The following IQSEC1 variants were observed in gnomAD, a reference collection of about 807,000 sequenced individuals.
IQSEC1 encodes IQ motif and SEC7 domain-containing protein 1.
In IQSEC1, 31 loss-of-function variants were observed where a neutral mutation model predicts 91.0. The observed-to-expected ratio is 0.34, with a 90% confidence interval of 0.26 to 0.46. The LOEUF is 0.46. Among genes scored for constraint, IQSEC1 ranks in the 20% least tolerant of loss-of-function variants. The pLI, the probability that IQSEC1 is intolerant of heterozygous loss-of-function variation, is 1.00. For synonymous variants in IQSEC1, 699 were observed against 662.6 expected (o/e 1.05, Z -0.84); for missense variants, 1,388 against 1,575.6 (o/e 0.88, Z 2.02).
intron 2 of IQSEC1, among the ~76,000 whole-genome samples, chr3:13,130,855 T>A (rs1435894463): frequency 6.6e-6 from 1 of 150,724 alleles, no homozygotes; most frequent in Non-Finnish European, 1.5e-5. Context: ...TGCTGGAGGC[T>A]GAGGTGGGAG....
At chr3:12,949,779 G>A (rs1490841220) in intron 1 of IQSEC1, among the ~76,000 whole-genome samples, 4 of 152,296 alleles carry the variant, frequency 2.6e-5, no homozygotes, top group East Asian at 3.9e-4. Flanking sequence ...GCGGGTGGGG[G>A]CACATCCTCT....
intron 2 of IQSEC1, among the ~76,000 whole-genome samples, chr3:12,938,639 G>A (rs911122814): frequency 1.3e-5 from 2 of 152,096 alleles, no homozygotes; most frequent in Admixed American, 6.5e-5. Context: ...AAGCCCCTGG[G>A]GCCCATAAGA....
chr3:12,985,075 C>T (rs1014007327), intron 1 of IQSEC1, among the ~76,000 whole-genome samples: 6 of 152,226 alleles, frequency 3.9e-5, no homozygotes, highest in Admixed American at 2.6e-4. Flanking sequence ...CCGCCCACCT[C>T]GGCCTCCCAA....
At chr3:13,069,633 G>A (rs1449396696) in intron 1 of IQSEC1, among the ~76,000 whole-genome samples, 2 of 152,240 alleles carry the variant, frequency 1.3e-5, no homozygotes, top group Non-Finnish European at 2.9e-5. Flanking sequence ...GAACAGGCAT[G>A]GGTAGGCGAG....
Position 13,238,034 on chromosome 3 carries a change from C to T in IQSEC1, c.272+44677G>A, listed in dbSNP as rs76946641. ...CCAGGGTACACCTGGAGGCACTGAC[C>T]GCTGAGCATCCACGTGCAGATGGGA... On this transcript the variant is annotated intron_variant, in intron 1 of 15. Coordinates refer to the IQSEC1 transcript ENST00000648114. 0.011 allele frequency among the ~76,000 whole-genome samples: 1,716 copies of T among 152,292 alleles called. 119 individuals are homozygous for T. The East Asian group carries it at 0.19, about 17-fold the overall frequency.
intron 1 of IQSEC1, among the ~76,000 whole-genome samples, chr3:13,270,150 G>C (rs961165150): frequency 3.3e-5 from 5 of 152,222 alleles, no homozygotes; most frequent in African/African-American, 1.2e-4. Context: ...GAATACCACT[G>C]AGTATTCCAT....
chr3:13,020,281 C>T (rs1048220853), intron 1 of IQSEC1, among the ~76,000 whole-genome samples: 1 of 152,152 alleles, frequency 6.6e-6, no homozygotes, highest in Admixed American at 6.5e-5. Flanking sequence ...GGCAGGCAGC[C>T]GCTGACTCAC....
rs1696929846 is a variant in IQSEC1, at chr3:12,924,447, AAGAG to A, written c.1730+130_1730+133del. Reference sequence around the variant, plus strand: ...TGCATGTGTGTGTCTAGGACTTAGGAAGAGAGAAAGGGGGGCCCACCACATGTCC... The same window carrying A: ...TGCATGTGTGTGTCTAGGACTTAGGAAGAAAGGGGGGCCCACCACATGTCC... On this transcript the variant is annotated intron_variant, in intron 4 of 13. Transcript: ENST00000613206. The surrounding 1 kb of genome is among the most constrained non-coding windows in gnomAD (Gnocchi z 6.3). 2 of 879,534 alleles carry A rather than the reference AAGAG, an allele frequency of 2.3e-6. No homozygotes were observed. The highest frequency in any genetic ancestry group is 3.4e-6 in the Non-Finnish European group (2 of 592,686). 54.5% of individuals were successfully genotyped at this position (879,534 alleles called of 1,614,324 possible).
chr3:13,077,659 A>G (rs900257166), upstream of IQSEC1, among the ~76,000 whole-genome samples: 4 of 152,118 alleles, frequency 2.6e-5, no homozygotes, highest in Non-Finnish European at 5.9e-5. Context: ...CCCTCCTAAC[A>G]TCTCTGCCCA....
At chr3:12,927,908 A>T (rs1336602876) in intron 3 of IQSEC1, among the ~76,000 whole-genome samples, 1 of 151,550 alleles carries the variant, frequency 6.6e-6, no homozygotes, top group African/African-American at 2.4e-5. Flanking sequence ...TCCAGGGTTG[A>T]GCACAGGGAC....
intron 2 of IQSEC1, among the ~76,000 whole-genome samples, chr3:13,136,352 G>A (rs886378150): frequency 8.5e-5 from 13 of 152,194 alleles, no homozygotes; most frequent in African/African-American, 2.9e-4. Flanking sequence ...AGAAAACACA[G>A]GGAACTATCT....
chr3:13,072,291 C>G (rs778614030), intron 1 of IQSEC1, among the ~76,000 whole-genome samples: 6 of 152,240 alleles, frequency 3.9e-5, no homozygotes, highest in Non-Finnish European at 8.8e-5. Context: ...CACAGTGCAG[C>G]GCCCAGAGAG....
intron 2 of IQSEC1, among the ~76,000 whole-genome samples, chr3:13,124,462 A>T (rs1047708478): frequency 2.0e-5 from 3 of 152,224 alleles, no homozygotes; most frequent in African/African-American, 7.2e-5. Flanking sequence ...AAGGCGGTCC[A>T]TGGATCTCTA....
At chr3:13,011,768 C>T (rs1299951286) in intron 1 of IQSEC1, among the ~76,000 whole-genome samples, 1 of 152,182 alleles carries the variant, frequency 6.6e-6, no homozygotes, top group African/African-American at 2.4e-5. Context: ...TATTTGCTTC[C>T]GCTGCCACTA....
intron 2 of IQSEC1, among the ~76,000 whole-genome samples, chr3:13,083,855 C>T (rs1201958927): frequency 3.3e-5 from 5 of 152,242 alleles, no homozygotes; most frequent in African/African-American, 4.8e-5. Context: ...GGCATGGAGC[C>T]GAGCTCAGCG....
chr3:13,165,632 C>CGGCT (rs1693481543), intron 1 of IQSEC1, among the ~76,000 whole-genome samples: 1 of 149,522 alleles, frequency 6.7e-6, no homozygotes, highest in African/African-American at 2.5e-5. Flanking sequence ...CTGGGGAAGC[C>CGGCT]GGCTGCCCTG....
intron 1 of IQSEC1, among the ~76,000 whole-genome samples, chr3:12,954,854 G>C (rs1366886735): frequency 1.3e-5 from 2 of 152,242 alleles, no homozygotes; most frequent in Non-Finnish European, 2.9e-5. Flanking sequence ...GGTCAGGACA[G>C]GATGCCCCGC....
chr3:13,007,098 A>T (rs1017405908), intron 1 of IQSEC1, among the ~76,000 whole-genome samples: 1 of 152,220 alleles, frequency 6.6e-6, no homozygotes, highest in African/African-American at 2.4e-5. Flanking sequence ...CTGCAGTGGT[A>T]GGGGTGCCCC....
rs186437294 is a variant in IQSEC1, at chr3:13,179,183, C to T, written c.273-15050G>A. ...TTCTTCCTTTGCAATACTCAATAGT[C>T]TCAGTTGTTGGCTCTCTGTGAGGTG... On this transcript the variant is annotated intron_variant, in intron 1 of 15. Coordinates refer to the IQSEC1 transcript ENST00000648114. 5.2e-3 allele frequency among the ~76,000 whole-genome samples: 797 copies of T among 152,322 alleles called. 5 individuals are homozygous for T. Among genetic ancestry groups the T allele is most frequent in the Non-Finnish European group, 6.5e-3 (442 of 68,028 alleles).
Sources: allele counts gnomAD v4.1 joint callset (sites outside exome capture counted in the v4.1 genomes callset), GRCh38; gene constraint gnomAD v4.1.1; non-coding constraint Gnocchi (gnomAD v3.1); transcripts MANE v1.5; gene names NCBI Gene and HGNC (gene_info 2026-07-23, HGNC 2026-07-21).